The following ZNF207 variants were observed in gnomAD, a reference collection of about 807,000 sequenced individuals.
ZNF207 encodes the protein BUB3-interacting and GLEBS motif-containing protein ZNF207.
Under a neutral mutation model 60.2 loss-of-function variants are expected in ZNF207, and 24 were observed. The observed-to-expected ratio is 0.40, with a 90% CI of 0.29 to 0.56. The LOEUF (loss-of-function observed/expected upper bound fraction) is 0.56, where lower values mean the gene tolerates loss of function less well. Among genes scored for constraint, ZNF207 ranks in the 20% least tolerant of loss-of-function variants. ZNF207 has a pLI of 0.49. For synonymous variants in ZNF207, 236 were observed against 194.7 expected (o/e 1.21, Z -1.77); for missense variants, 452 against 636.6 (o/e 0.71, Z 3.12).
chr17:32,360,211 G>A lies in ZNF207; in HGVS notation c.308-387G>A, dbSNP rs182842749. ...CAAAAAAAAAAAAAAAAAGCCCAGT[G>A]TGGTGGCATGTGTCTGCAGTCCCAG... On this transcript the variant is annotated intron_variant, in intron 3 of 11. Coordinates refer to ENST00000394670, the MANE Select transcript of ZNF207 (RefSeq NM_001098507.2). 2.2e-3 allele frequency among the ~76,000 whole-genome samples: 304 copies of A among 137,834 alleles called. 8 individuals carry two copies. Among genetic ancestry groups the A allele is most frequent in the Admixed American group, 0.022 (282 of 12,892 alleles). The allele number at this position is 137,834 out of a possible 152,430, so 90.4% of individuals were successfully genotyped here. A position where few individuals can be genotyped will look rare whatever the true frequency, so the allele number is the denominator to read the frequency against.
rs1340884660 is a variant in ZNF207 at position 32,370,894 on chromosome 17, A to T, written c.*1135A>T. ...AGAATCTAAATGTGTCTCTGTTGGG[A>T]TGGTTAACAGATGAATTGGCAATTT... On this transcript the variant is annotated 3_prime_UTR_variant, in exon 12 of 12. Transcript: ENST00000394670. 1.3e-5 allele frequency: 2 copies of T among 152,154 alleles called. No homozygotes were observed. Among genetic ancestry groups the T allele is most frequent in the African/African-American group, 4.8e-5 (2 of 41,414 alleles). The allele number at this position is 152,154 out of a possible 1,614,324, so 9.4% of individuals were successfully genotyped here. A position where few individuals can be genotyped will look rare whatever the true frequency, so the allele number is the denominator to read the frequency against.
At chr17:32,366,354 A>G (rs1423623647) in intron 8 of ZNF207, among the ~76,000 whole-genome samples, 1 of 152,184 alleles carries the variant, frequency 6.6e-6, no homozygotes, top group African/African-American at 2.4e-5. Context: ...ACAGAATTGG[A>G]TTGAAGTGTC....
At chr17:32,360,186 C>CCCCA (rs1555606145) in intron 3 of ZNF207, among the ~76,000 whole-genome samples, 5 of 52,248 alleles carry the variant, frequency 9.6e-5, no homozygotes, top group African/African-American at 2.9e-4. Flanking sequence ...ACCCCCCCCC[C>CCCCA]AAAAAAAAAA....
At position 32,356,667 on chromosome 17, in the gene ZNF207, C is replaced by T. The variant is rs147609189; in HGVS notation, c.169-1836C>T. Among the ~76,000 whole-genome samples, 547 of 152,272 alleles carry T rather than the reference C, an allele frequency of 3.6e-3. 4 individuals carry two copies. Among genetic ancestry groups the T allele is most frequent in the African/African-American group, 0.013 (521 of 41,560 alleles). On this transcript the variant is annotated intron_variant, in intron 2 of 11. Transcript: ENST00000394670. ...GTCATTAGCCTAAATGAGTGCTTCT[C>T]AAACTTGAGCATGCATTAGCATTTC...
At position 32,379,857 on chromosome 17, in the gene ZNF207, C is replaced by T. The variant is rs901404157; in HGVS notation, c.*10098C>T. The T allele has an allele frequency of 1.3e-5, 2 of 152,124 alleles. No homozygotes were observed. The highest frequency in any genetic ancestry group is 2.9e-5 in the Non-Finnish European group (2 of 68,014). The allele number at this position is 152,124 out of a possible 1,614,324, so 9.4% of individuals were successfully genotyped here. A position where few individuals can be genotyped will look rare whatever the true frequency, so the allele number is the denominator to read the frequency against. On this transcript the variant is annotated 3_prime_UTR_variant, in exon 12 of 12. Transcript: ENST00000394670. ...TAATTTATGCCCTGCTTTATTTAGCCTCGCTATATGTAACACATGGATTAT... is the reference window on the plus strand; with the variant it reads ...TAATTTATGCCCTGCTTTATTTAGCTTCGCTATATGTAACACATGGATTAT...
intron 6 of ZNF207, 167 bp from the exon 7 acceptor site, chr17:32,362,747 A>G: frequency 2.1e-6 from 1 of 477,292 alleles, no homozygotes; most frequent in African/African-American, 2.0e-5. Flanking sequence ...TTATTTTGAT[A>G]GGATTGTTAC....
Position 32,381,566 on chromosome 17 carries a change from G to GAGAT in ZNF207, c.*11808_*11811dup, listed in dbSNP as rs2150810002. On this transcript the variant is annotated 3_prime_UTR_variant, in exon 12 of 12. Coordinates refer to ENST00000394670, the MANE Select transcript of ZNF207 (RefSeq NM_001098507.2). ...TTTTGTTTACTAGTAGGTTCAGAGA[G>GAGAT]AGATCTGAGATGTTCCTTAACATGT... The GAGAT allele has an allele frequency of 6.6e-6, 1 of 152,324 alleles. No homozygotes were observed. The highest frequency in any genetic ancestry group is 2.4e-5 in the African/African-American group (1 of 41,572). The allele number at this position is 152,324 out of a possible 1,614,324, so 9.4% of individuals were successfully genotyped here.
Position 32,354,089 on chromosome 17 carries a change from C to G in ZNF207, c.168+2177C>G, listed in dbSNP as rs185215090. Among the ~76,000 whole-genome samples, 23 of 152,164 alleles carry G rather than the reference C, an allele frequency of 1.5e-4. 1 individual carries two copies. The highest frequency in any genetic ancestry group is 5.3e-4 in the African/African-American group (22 of 41,510). On this transcript the variant is annotated intron_variant, in intron 2 of 11. Coordinates refer to ENST00000394670, the MANE Select transcript of ZNF207 (RefSeq NM_001098507.2). ...CTCCCTTACTCAAATGATCCTTCCA[C>G]CTTAGCCTCCTGAGTACCTGGGACA... is the stretch of plus-strand genomic sequence containing the variant.
In ZNF207 at chr17:32,373,338, C is replaced by T. The variant is rs1278240492; in HGVS notation, c.*3579C>T. 4 of 643,864 alleles carry T rather than the reference C, an allele frequency of 6.2e-6. No homozygotes were observed. The highest frequency in any genetic ancestry group is 5.5e-5 in the East Asian group (2 of 36,636). The allele number at this position is 643,864 out of a possible 1,614,324, so 39.9% of individuals were successfully genotyped here. A position where few individuals can be genotyped will look rare whatever the true frequency, so the allele number is the denominator to read the frequency against. ...ATTTTTAAAAAAAAAAATTTTAATG[C>T]ATGTCTTTTAAATTAATTGGGAACT... On this transcript the variant is annotated 3_prime_UTR_variant, in exon 12 of 12. Transcript: ENST00000394670.
Position 32,366,691 on chromosome 17 carries a change from T to C in ZNF207, c.855T>C (p.Ser285=). 1 of 1,611,232 alleles carries C rather than the reference T, an allele frequency of 6.2e-7. No individual in the cohort carries two copies. The highest frequency in any genetic ancestry group is 2.2e-5 in the East Asian group (1 of 44,558). The change falls in exon 9 of 12, where the codon AGT becomes AGC. Residue 285 remains serine, a synonymous_variant. Transcript: ENST00000394670. The part of the protein sequence containing the change: ...GQMGTPVTSS[S]TASSNSESLS... ...TGGGGACACCTGTCACAAGCTCAAG[T>C]ACAGCTTCATCCAATTCAGAAAGTC...
rs577580961 is a variant in ZNF207, at chr17:32,350,699, C to T, written c.41+373C>T. On this transcript the variant is annotated intron_variant, in intron 1 of 11. Transcript: ENST00000394670. ...TTCTTCGAGTGCGATAGGCTTATTA[C>T]TTTCATGGAGGGTTGGGGACAGCTT... is the stretch of plus-strand genomic sequence containing the variant. Among the ~76,000 whole-genome samples, 26 of 152,250 alleles carry T rather than the reference C, an allele frequency of 1.7e-4. No homozygotes were observed. The South Asian group carries it at 5.0e-3, about 29-fold the overall frequency.
chr17:32,362,352 T>A (rs1241052390), intron 6 of ZNF207, among the ~76,000 whole-genome samples: 3 of 152,084 alleles, frequency 2.0e-5, no homozygotes, highest in African/African-American at 7.2e-5. Context: ...TTTAAAAAGT[T>A]ATGGTCTCAC....
In ZNF207 at chr17:32,376,784, G is replaced by A. The variant is rs560259175; in HGVS notation, c.*7025G>A. The stretch of plus-strand genomic sequence containing the variant: ...TTTAATTTTTATCAAAATAACCTCA[G>A]AGGAGGTACATGTGAGTAAACTGTC... On this transcript the variant is annotated 3_prime_UTR_variant, in exon 12 of 12. Coordinates refer to ENST00000394670, the MANE Select transcript of ZNF207 (RefSeq NM_001098507.2). 7.2e-5 allele frequency: 11 copies of A among 152,098 alleles called. No individual in the cohort carries two copies. Among genetic ancestry groups the A allele is most frequent in the Non-Finnish European group, 1.5e-4 (10 of 67,940 alleles). The allele number at this position is 152,098 out of a possible 1,614,324, so 9.4% of individuals were successfully genotyped here. A position where few individuals can be genotyped will look rare whatever the true frequency, so the allele number is the denominator to read the frequency against.
At chr17:32,356,859 A>C (rs1400278233) in intron 2 of ZNF207, among the ~76,000 whole-genome samples, 1 of 152,202 alleles carries the variant, frequency 6.6e-6, no homozygotes, top group Non-Finnish European at 1.5e-5. Flanking sequence ...AAAAAATCCC[A>C]GATTTTCAGT....
intron 6 of ZNF207, among the ~76,000 whole-genome samples, chr17:32,362,001 G>C (rs1904908595): frequency 6.6e-6 from 1 of 152,002 alleles, no homozygotes; most frequent in African/African-American, 2.4e-5. Flanking sequence ...CTCTTTTAGG[G>C]GAAAAAATAA....
intron 6 of ZNF207, among the ~76,000 whole-genome samples, chr17:32,361,735 A>G (rs976449223): frequency 1.3e-5 from 2 of 152,206 alleles, no homozygotes; most frequent in African/African-American, 4.8e-5. Flanking sequence ...ATGTGCAGTG[A>G]TTTTCTCCAA....
rs1469807408 is a variant in ZNF207, at chr17:32,372,853, A to G, written c.*3094A>G. 1 of 152,206 alleles carries G rather than the reference A, an allele frequency of 6.6e-6. No individual in the cohort carries two copies. Among genetic ancestry groups the G allele is most frequent in the East Asian group, 1.9e-4 (1 of 5,200 alleles). 9.4% of individuals were successfully genotyped at this position (152,206 alleles called of 1,614,324 possible). On this transcript the variant is annotated 3_prime_UTR_variant, in exon 12 of 12. Coordinates refer to ENST00000394670, the MANE Select transcript of ZNF207 (RefSeq NM_001098507.2). ...ATGCCAACTGCCCTCACAGAAGACA[A>G]CTTTTGGGACTTGATAATTCAGGCA...
intron 2 of ZNF207, among the ~76,000 whole-genome samples, chr17:32,357,452 G>A (rs1904605992): frequency 6.7e-6 from 1 of 149,578 alleles, no homozygotes; most frequent in Admixed American, 6.7e-5. Flanking sequence ...GTGTTCAAGC[G>A]ATTCTTCTGC....
At position 32,380,091 on chromosome 17, in the gene ZNF207, TAAAC is replaced by T; in HGVS notation, c.*10336_*10339del. On this transcript the variant is annotated 3_prime_UTR_variant, in exon 12 of 12. Coordinates refer to ENST00000394670, the MANE Select transcript of ZNF207 (RefSeq NM_001098507.2). ...GCAATGCATTCTTCTAGATAAGCAC[TAAAC>T]AAAGTATGGACCCTCAATTTATGTC... 6.5e-6 allele frequency: 1 copy of T among 152,726 alleles called. No homozygotes were observed. The highest frequency in any genetic ancestry group is 2.1e-4 in the South Asian group (1 of 4,826). The allele number at this position is 152,726 out of a possible 1,614,324, so 9.5% of individuals were successfully genotyped here.
Sources: allele counts gnomAD v4.1 joint callset (sites outside exome capture counted in the v4.1 genomes callset), GRCh38; gene constraint gnomAD v4.1.1; transcripts MANE v1.5; gene names NCBI Gene and HGNC (gene_info 2026-07-23, HGNC 2026-07-21).